Variants in SGCD observed in about 807,000 individuals in gnomAD.
SGCD encodes the protein delta-sarcoglycan.
SGCD carries 18 observed loss-of-function variants against 36.6 expected under a neutral mutation model. The ratio of observed to expected loss-of-function variants is 0.49; its 90% confidence interval spans 0.34 to 0.73. SGCD has a LOEUF of 0.73. Ranked by LOEUF, SGCD falls within the 30% of genes least tolerant of loss-of-function variation. The pLI is 0.01. For synonymous variants in SGCD, 133 were observed against 130.6 expected (o/e 1.02, Z -0.12); for missense variants, 387 against 346.7 (o/e 1.12, Z -0.92).
At chr5:155,855,184 C>T in the SGCD span, among the ~76,000 whole-genome samples, 1 of 152,142 alleles carries the variant, frequency 6.6e-6, no homozygotes, top group Non-Finnish European at 1.5e-5. Context: ...ACATTCAGAG[C>T]AGGTCAGAAG....
At chr5:156,670,130 TTAATG>T (rs1753227172) in intron 7 of SGCD, among the ~76,000 whole-genome samples, 1 of 152,150 alleles carries the variant, frequency 6.6e-6, no homozygotes, top group South Asian at 2.1e-4. Context: ...TAGATTAATT[TTAATG>T]TAAAGGATTA....
intron 3 of SGCD, among the ~76,000 whole-genome samples, chr5:156,200,804 T>A (rs554485326): frequency 5.9e-5 from 9 of 152,296 alleles, no homozygotes; most frequent in Admixed American, 5.2e-4. Flanking sequence ...TTCTTTGTAG[T>A]TTTATTCACA....
chr5:156,310,986 G>A (rs994402322), intron 3 of SGCD, among the ~76,000 whole-genome samples: 2 of 152,100 alleles, frequency 1.3e-5, no homozygotes, highest in African/African-American at 4.8e-5. Context: ...CAGGTAAAGA[G>A]GAGCAGTAAA....
intron 1 of SGCD, among the ~76,000 whole-genome samples, chr5:156,004,976 A>C (rs1052144708): frequency 2.0e-5 from 3 of 152,170 alleles, no homozygotes; most frequent in Non-Finnish European, 4.4e-5. Context: ...TCGGGGCACC[A>C]CAGCTTGGTT....
At chr5:156,263,494 G>C (rs1038642587) in intron 3 of SGCD, among the ~76,000 whole-genome samples, 1 of 151,888 alleles carries the variant, frequency 6.6e-6, no homozygotes, top group African/African-American at 2.4e-5. Context: ...CTGAATATTT[G>C]TCTGTTGTCG....
chr5:156,730,287 G>A lies in SGCD; in HGVS notation c.576-27294G>A, dbSNP rs181605866. Among the ~76,000 whole-genome samples, 9 of 152,206 alleles carry A rather than the reference G, an allele frequency of 5.9e-5. No individual in the cohort carries two copies. In the East Asian group the frequency reaches 1.2e-3, roughly 20 times the overall value. ...ACAGGTTTGTTACATAGGTAAACTT[G>A]TGACATGGGTGTTTGTTATACAGAT... On this transcript the variant is annotated intron_variant, in intron 7 of 8. Transcript: ENST00000337851.
intron 7 of SGCD, among the ~76,000 whole-genome samples, chr5:156,742,689 C>T (rs1312759608): frequency 4.6e-5 from 7 of 152,034 alleles, no homozygotes; most frequent in Admixed American, 2.6e-4. Context: ...GCTGGAGATC[C>T]GGGAGAGCTG....
chr5:155,965,301 T>G (rs1288236401), intron 1 of SGCD, among the ~76,000 whole-genome samples: 1 of 152,132 alleles, frequency 6.6e-6, no homozygotes, highest in African/African-American at 2.4e-5. Context: ...CTCTGATGTA[T>G]CCTAGACTTC....
chr5:156,386,710 C>T (rs1316426723), intron 3 of SGCD, among the ~76,000 whole-genome samples: 1 of 152,190 alleles, frequency 6.6e-6, no homozygotes. Context: ...CTTGGGGCTC[C>T]CTCACTCTTT....
chr5:156,211,109 C>G (rs1468617396), intron 3 of SGCD, among the ~76,000 whole-genome samples: 2 of 151,928 alleles, frequency 1.3e-5, no homozygotes, highest in African/African-American at 2.4e-5. Context: ...TAGCAGATTT[C>G]TCAGCAGAAA....
intron 1 of SGCD, among the ~76,000 whole-genome samples, chr5:156,053,662 C>A (rs1489420963): frequency 1.4e-5 from 2 of 146,050 alleles, no homozygotes; most frequent in East Asian, 3.9e-4. Context: ...ACTTAAGCAC[C>A]TTGGCAAATG....
intron 7 of SGCD, among the ~76,000 whole-genome samples, chr5:156,711,900 G>C (rs1755011160): frequency 6.6e-6 from 1 of 152,138 alleles, no homozygotes; most frequent in South Asian, 2.1e-4. Context: ...AGGACTGCTG[G>C]TTTTTATGGT....
At chr5:156,733,150 T>C (rs1469215363) in intron 7 of SGCD, among the ~76,000 whole-genome samples, 1 of 152,134 alleles carries the variant, frequency 6.6e-6, no homozygotes, top group Non-Finnish European at 1.5e-5. Context: ...TGGTGTTGGA[T>C]TGTTAACTAG....
chr5:156,227,453 G>A (rs1182394798), intron 3 of SGCD, among the ~76,000 whole-genome samples: 2 of 152,016 alleles, frequency 1.3e-5, no homozygotes, highest in Non-Finnish European at 2.9e-5. Flanking sequence ...CTGTTATATT[G>A]GTCTATGTGC....
intron 3 of SGCD, among the ~76,000 whole-genome samples, chr5:156,203,058 A>G (rs1764190468): frequency 6.6e-6 from 1 of 152,148 alleles, no homozygotes. Flanking sequence ...TATCCCAAAG[A>G]TTTTAATCAT....
intron 1 of SGCD, among the ~76,000 whole-genome samples, chr5:155,905,610 G>T (rs1162891172): frequency 6.6e-6 from 1 of 152,090 alleles, no homozygotes; most frequent in Non-Finnish European, 1.5e-5. Context: ...ATATGGTTTG[G>T]CTGTGTCCCC....
At chr5:156,689,478 C>G (rs144974121) in intron 7 of SGCD, among the ~76,000 whole-genome samples, 2 of 152,246 alleles carry the variant, frequency 1.3e-5, no homozygotes, top group South Asian at 4.1e-4. Flanking sequence ...ATCCCGAAAT[C>G]TTGGATGAGG....
At chr5:156,269,178 C>G (rs1312546837) in intron 3 of SGCD, among the ~76,000 whole-genome samples, 3 of 151,918 alleles carry the variant, frequency 2.0e-5, no homozygotes, top group African/African-American at 4.8e-5. Context: ...AAAAACCCAT[C>G]AGATCTCTAC....
At chr5:156,206,463 C>A (rs30283) in intron 3 of SGCD, among the ~76,000 whole-genome samples, 47,505 of 151,698 alleles carry the variant, frequency 0.31, 7,914 homozygotes, top group African/African-American at 0.37. Context: ...TATGCAATTC[C>A]ACTAATAGTG....
Sources: allele counts gnomAD v4.1 joint callset (sites outside exome capture counted in the v4.1 genomes callset), GRCh38; gene constraint gnomAD v4.1.1; transcripts MANE v1.5; gene names NCBI Gene and HGNC (gene_info 2026-07-23, HGNC 2026-07-21).